Variants in ADGRG7 observed in about 807,000 individuals in gnomAD.
ADGRG7 encodes adhesion G protein-coupled receptor G7.
Under a neutral mutation model 88.6 loss-of-function variants are expected in ADGRG7, and 82 were observed. The observed-to-expected ratio is 0.93, with a 90% CI of 0.77 to 1.11. ADGRG7 has a LOEUF of 1.11. ADGRG7 is among the 50% of genes most tolerant of loss of function. The pLI is 0.00. For synonymous variants in ADGRG7, 381 were observed against 345.2 expected (o/e 1.10, Z -1.15); for missense variants, 945 against 953.4 (o/e 0.99, Z 0.12).
Position 100,643,522 on chromosome 3 carries a change from A to T in ADGRG7, c.839-4A>T, listed in dbSNP as rs368699106. 2.0e-5 allele frequency: 32 copies of T among 1,611,826 alleles called. No individual in the cohort carries two copies. In the African/African-American group the frequency reaches 3.7e-4, roughly 19 times the overall value. On this transcript the variant is annotated splice_region_variant and splice_polypyrimidine_tract_variant and intron_variant, in intron 7 of 15. Coordinates refer to ENST00000273352, the MANE Select transcript of ADGRG7 (RefSeq NM_032787.3). ...TTACAATTCTACTCTTTCCCTTCTC[A>T]TAGGAGCTAGCAGTTCTCTAGTTTC...
In ADGRG7 at chr3:100,668,982, T is replaced by C; in HGVS notation, c.2013T>C (p.Val671=). The change falls in exon 15 of 16, where the codon GTT becomes GTC. Residue 671 remains valine (V), a synonymous_variant. Coordinates refer to ENST00000273352, the MANE Select transcript of ADGRG7 (RefSeq NM_032787.3). ...AAGTTTCATCCATGAAGAAGATTGT[T>C]AGCACATTATCTGTTGCAGTTGTTT... is the stretch of plus-strand genomic sequence containing the variant. ...TKKVSSMKKI[V]STLSVAVVFG... 1.2e-6 allele frequency: 2 copies of C among 1,602,418 alleles called. No homozygotes were observed. The highest frequency in any genetic ancestry group is 1.7e-6 in the Non-Finnish European group (2 of 1,175,874).
chr3:100,646,839 A>G (rs1308808341), intron 10 of ADGRG7, 115 bp downstream of exon 10: 1 of 914,914 alleles, frequency 1.1e-6, no homozygotes, highest in Non-Finnish European at 1.6e-6. Flanking sequence ...CTCAACTCAG[A>G]TTAAATAGAA....
chr3:100,620,894 C>T (rs1026771682), intron 1 of ADGRG7, among the ~76,000 whole-genome samples: 2 of 151,532 alleles, frequency 1.3e-5, no homozygotes, highest in Non-Finnish European at 2.9e-5. Context: ...TCTGTTGGTC[C>T]CATTTTTCCA....
intron 2 of ADGRG7, 111 bp downstream of exon 2, chr3:100,629,822 CA>C: frequency 1.4e-6 from 1 of 692,744 alleles, no homozygotes; most frequent in Non-Finnish European, 2.5e-6. Context: ...AAACAATGGA[CA>C]TAATGATGAT....
chr3:100,675,697 T>C (rs2094964439), intron 15 of ADGRG7, among the ~76,000 whole-genome samples: 1 of 152,138 alleles, frequency 6.6e-6, no homozygotes, highest in South Asian at 2.1e-4. Context: ...AGTTCTTCTT[T>C]AAATGTTTGG....
At chr3:100,618,890 C>G in intron 1 of ADGRG7, among the ~76,000 whole-genome samples, 1 of 152,152 alleles carries the variant, frequency 6.6e-6, no homozygotes, top group Non-Finnish European at 1.5e-5. Flanking sequence ...TCTTTTATTT[C>G]ACTGAGTAGT....
rs1707482063 is a variant in ADGRG7, at chr3:100,633,330, G to C, written c.400G>C (p.Val134Leu). Residue 134 changes from valine (V) to leucine (L), a missense_variant, in exon 4 of 16, where the codon GTG becomes CTG. Transcript: ENST00000273352. ...SLYGEIELQK[V>L]TIGNCNENLE... ...ATATGGAGAGATAGAATTACAAAAAGTGACAATAGGAAATTGCAATGAAAA... is the reference window on the plus strand; with the variant it reads ...ATATGGAGAGATAGAATTACAAAAACTGACAATAGGAAATTGCAATGAAAA... 3 of 1,591,268 alleles carry C rather than the reference G, an allele frequency of 1.9e-6. No homozygotes were observed. Among genetic ancestry groups the C allele is most frequent in the Non-Finnish European group, 2.6e-6 (3 of 1,168,170 alleles).
chr3:100,657,699 T>C (rs921397892), intron 13 of ADGRG7, among the ~76,000 whole-genome samples: 2 of 152,332 alleles, frequency 1.3e-5, no homozygotes, highest in Admixed American at 6.5e-5. Context: ...CTCAAGTCCA[T>C]AGCTATTTGT....
At chr3:100,691,197 G>A (rs1026321982) in intron 15 of ADGRG7, among the ~76,000 whole-genome samples, 1 of 152,214 alleles carries the variant, frequency 6.6e-6, no homozygotes, top group Admixed American at 6.5e-5. Context: ...TGTGCCGTTT[G>A]TTAAGCCCAT....
intron 14 of ADGRG7, among the ~76,000 whole-genome samples, chr3:100,663,252 C>A (rs1476169856): frequency 6.6e-6 from 1 of 152,108 alleles, no homozygotes; most frequent in Non-Finnish European, 1.5e-5. Context: ...TTTAAAAATA[C>A]ATTATTGCAG....
intron 1 of ADGRG7, among the ~76,000 whole-genome samples, chr3:100,616,157 T>C (rs1046602879): frequency 4.6e-5 from 7 of 152,092 alleles, no homozygotes; most frequent in Admixed American, 1.3e-4. Flanking sequence ...GAAGTAATCA[T>C]GAAATTTTCC....
intron 1 of ADGRG7, among the ~76,000 whole-genome samples, chr3:100,627,629 A>T (rs1378685201): frequency 1.3e-5 from 2 of 152,132 alleles, no homozygotes; most frequent in African/African-American, 4.8e-5. Flanking sequence ...AAGAGTTTGT[A>T]TGAGATTGGT....
intron 4 of ADGRG7, 28 bp downstream of exon 4, chr3:100,633,405 A>G (rs749508649): frequency 1.5e-6 from 2 of 1,294,208 alleles, no homozygotes; most frequent in Admixed American, 4.2e-5. Context: ...CTGATGGGCA[A>G]CTGGAAGAAG....
At chr3:100,631,706 A>AT (rs1707460835) in intron 3 of ADGRG7, among the ~76,000 whole-genome samples, 1 of 152,172 alleles carries the variant, frequency 6.6e-6, no homozygotes, top group Non-Finnish European at 1.5e-5. Context: ...TTAGATATTT[A>AT]TTTTTGTATG....
chr3:100,688,819 G>A (rs1268704467), intron 15 of ADGRG7, among the ~76,000 whole-genome samples: 3 of 152,150 alleles, frequency 2.0e-5, no homozygotes, highest in Non-Finnish European at 4.4e-5. Flanking sequence ...TTTTGGAATA[G>A]GTGTGGTGTG....
At chr3:100,634,670 C>G (rs1055931600) in intron 4 of ADGRG7, among the ~76,000 whole-genome samples, 2 of 152,116 alleles carry the variant, frequency 1.3e-5, no homozygotes, top group Non-Finnish European at 2.9e-5. Context: ...TTGTGCCAAC[C>G]CACAGATTGA....
chr3:100,666,814 G>A (rs1403411793), intron 14 of ADGRG7, among the ~76,000 whole-genome samples: 1 of 152,192 alleles, frequency 6.6e-6, no homozygotes, highest in Admixed American at 6.5e-5. Flanking sequence ...GAGTGTTTGT[G>A]TCCCTGGGTA....
intron 15 of ADGRG7, among the ~76,000 whole-genome samples, chr3:100,681,397 G>A (rs1213215591): frequency 6.7e-6 from 1 of 150,222 alleles, no homozygotes; most frequent in Non-Finnish European, 1.5e-5. Flanking sequence ...TGCAACCTCC[G>A]CTTCCCGGGT....
At chr3:100,616,719 A>C (rs1399431158) in intron 1 of ADGRG7, among the ~76,000 whole-genome samples, 1 of 152,106 alleles carries the variant, frequency 6.6e-6, no homozygotes, top group African/African-American at 2.4e-5. Flanking sequence ...TACTGGGGAG[A>C]CTGTGGCAGA....
Sources: allele counts gnomAD v4.1 joint callset (sites outside exome capture counted in the v4.1 genomes callset), GRCh38; gene constraint gnomAD v4.1.1; transcripts MANE v1.5; gene names NCBI Gene and HGNC (gene_info 2026-07-23, HGNC 2026-07-21).